MLXIP: variants seen among roughly 807,000 people sequenced by gnomAD.
MLXIP encodes MLX interacting protein, also known as MLX-interacting protein.
In MLXIP, 30 loss-of-function variants were observed where a neutral mutation model predicts 87.2. The ratio of observed to expected loss-of-function variants is 0.34; its 90% CI spans 0.26 to 0.47. The LOEUF is 0.47. Among genes scored for constraint, MLXIP ranks in the 20% least tolerant of loss-of-function variants. MLXIP has a pLI of 1.00. For synonymous variants in MLXIP, 530 were observed against 514.0 expected (o/e 1.03, Z -0.42); for missense variants, 1,002 against 1,240.1 (o/e 0.81, Z 2.88).
At chr12:122,105,734 TG>T (rs1217857506) in intron 1 of MLXIP, among the ~76,000 whole-genome samples, 2 of 151,722 alleles carry the variant, frequency 1.3e-5, no homozygotes, top group African/African-American at 4.8e-5. Context: ...GAGCCGAGAT[TG>T]TGCCACTGCA....
chr12:122,122,993 A>G (rs1422040419), intron 1 of MLXIP, among the ~76,000 whole-genome samples: 1 of 151,750 alleles, frequency 6.6e-6, no homozygotes, highest in Non-Finnish European at 1.5e-5. Flanking sequence ...CACCTGGCCC[A>G]TTGTGGGACT....
chr12:122,128,876 C>G, intron 3 of MLXIP: 2 of 466,634 alleles, frequency 4.3e-6, no homozygotes, highest in Non-Finnish European at 7.7e-6. Context: ...CTCACCCTGT[C>G]CTCCTGGACA....
At position 122,135,380 on chromosome 12, in the gene MLXIP, T is replaced by C. The variant is rs372838904; in HGVS notation, c.1854+35T>C. The C allele has an allele frequency of 1.2e-4, 185 of 1,603,614 alleles. No individual in the cohort carries two copies. The East Asian group carries it at 3.7e-3, about 32-fold the overall frequency. On this transcript the variant is annotated intron_variant, in intron 10 of 16. Coordinates refer to ENST00000319080, the MANE Select transcript of MLXIP (RefSeq NM_014938.6). This position sits in a 1 kb window ranked among gnomAD's most constrained non-coding sequence, Gnocchi z 5.3. ...GCCCTAGGCAGACCTGCAGTGTCCT[T>C]CTCACCCCGGAGCACTCTGATCTTG...
chr12:122,121,095 C>T (rs973699990), intron 1 of MLXIP, among the ~76,000 whole-genome samples: 3 of 146,590 alleles, frequency 2.0e-5, no homozygotes, highest in Non-Finnish European at 3.0e-5. Context: ...CTGCAACCTC[C>T]GCCTCCCAGG....
At chr12:122,103,840 G>GTTTT (rs377424471) in intron 1 of MLXIP, among the ~76,000 whole-genome samples, 1 of 142,834 alleles carries the variant, frequency 7.0e-6, no homozygotes, top group Non-Finnish European at 1.5e-5. Flanking sequence ...AATTTTGTTT[G>GTTTT]TTTTTTTTTT....
chr12:122,127,054 G>A (rs886555471), intron 1 of MLXIP, among the ~76,000 whole-genome samples: 5 of 152,134 alleles, frequency 3.3e-5, no homozygotes, highest in African/African-American at 9.7e-5. Flanking sequence ...CCTGCCCTCC[G>A]CGCCCTGACA....
chr12:122,094,886 C>T (rs1267439531), intron 1 of MLXIP, among the ~76,000 whole-genome samples: 3 of 118,558 alleles, frequency 2.5e-5, no homozygotes, highest in East Asian at 2.8e-4. Flanking sequence ...GTGTGTGGTA[C>T]GTATGGGGAG....
At chr12:122,128,988 C>T (rs567556082) in intron 3 of MLXIP, 149 bp from the exon 4 acceptor site, 4 of 656,386 alleles carry the variant, frequency 6.1e-6, no homozygotes, top group African/African-American at 5.4e-5. Flanking sequence ...AGAAGTGGGA[C>T]GTACTTTCTG....
intron 8 of MLXIP, 154 bp downstream of exon 8, chr12:122,132,537 G>T (rs974417708): frequency 1.6e-6 from 1 of 625,136 alleles, no homozygotes; most frequent in Non-Finnish European, 2.8e-6. Flanking sequence ...GCAGAGGCAC[G>T]ATTCCATCCC....
intron 1 of MLXIP, among the ~76,000 whole-genome samples, chr12:122,124,175 C>T (rs1289496065): frequency 7.3e-6 from 1 of 136,260 alleles, no homozygotes; most frequent in Non-Finnish European, 1.6e-5. Context: ...TCAGCCGTCC[C>T]CCGCCCCAGC....
Position 122,125,630 on chromosome 12 carries a change from G to A in MLXIP, c.414-1626G>A, listed in dbSNP as rs141958284. Among the ~76,000 whole-genome samples, 1,025 of 152,352 alleles carry A rather than the reference G, an allele frequency of 6.7e-3. 6 individuals are homozygous for A. The highest frequency in any genetic ancestry group is 0.02 in the Middle Eastern group (6 of 294). ...GCCTGCTGTACCACCGGTGAGGCCA[G>A]GCCATCAGCATGGAGGTGGGTTAGA... On this transcript the variant is annotated intron_variant, in intron 1 of 16. Transcript: ENST00000319080.
chr12:122,103,796 T>C (rs1202129407), intron 1 of MLXIP, among the ~76,000 whole-genome samples: 1 of 151,556 alleles, frequency 6.6e-6, no homozygotes, highest in Non-Finnish European at 1.5e-5. Context: ...CCCAAAGTGC[T>C]GGGATTACAG....
chr12:122,104,834 C>T (rs1458566461), intron 1 of MLXIP, among the ~76,000 whole-genome samples: 1 of 152,018 alleles, frequency 6.6e-6, no homozygotes, highest in Non-Finnish European at 1.5e-5. Flanking sequence ...CCCACCTCGG[C>T]GTCTCAAAGT....
chr12:122,143,822 C>G lies in MLXIP; in HGVS notation c.*2010C>G, dbSNP rs967179646. 10 of 152,478 alleles carry G rather than the reference C, an allele frequency of 6.6e-5. No homozygotes were observed. The highest frequency in any genetic ancestry group is 5.9e-4 in the Admixed American group (9 of 15,302). The allele number at this position is 152,478 out of a possible 1,614,324, so 9.4% of individuals were successfully genotyped here. A position where few individuals can be genotyped will look rare whatever the true frequency, so the allele number is the denominator to read the frequency against. ...TTGGCCTCCTGCTGCTTCAGCCTACCTCTCCCTCTGCTGACTTAATGTCGT... is the reference window on the plus strand; with the variant it reads ...TTGGCCTCCTGCTGCTTCAGCCTACGTCTCCCTCTGCTGACTTAATGTCGT... On this transcript the variant is annotated 3_prime_UTR_variant, in exon 17 of 17. Coordinates refer to ENST00000319080, the MANE Select transcript of MLXIP (RefSeq NM_014938.6).
Position 122,125,153 on chromosome 12 carries a change from C to T in MLXIP, c.414-2103C>T, listed in dbSNP as rs564701654. 1.1e-4 allele frequency among the ~76,000 whole-genome samples: 16 copies of T among 151,852 alleles called. 2 individuals carry two copies. The South Asian group carries it at 1.5e-3, about 14-fold the overall frequency. On this transcript the variant is annotated intron_variant, in intron 1 of 16. Transcript: ENST00000319080. ...TGCACTCCAGCCTGGGCAACAAGAGCGAAACTCCATCTCCAAAAACAAACA... is the reference window on the plus strand; with the variant it reads ...TGCACTCCAGCCTGGGCAACAAGAGTGAAACTCCATCTCCAAAAACAAACA...
chr12:122,138,067 G>A (rs897385705), intron 12 of MLXIP, 127 bp from the exon 13 acceptor site: 24 of 734,892 alleles, frequency 3.3e-5, no homozygotes, highest in Middle Eastern at 3.9e-4. Flanking sequence ...GCTTCTCGTC[G>A]TGCCCTCCTC....
At chr12:122,081,191 G>T (rs377745425) in intron 1 of MLXIP, among the ~76,000 whole-genome samples, 2 of 151,912 alleles carry the variant, frequency 1.3e-5, no homozygotes, top group African/African-American at 4.8e-5. Flanking sequence ...AGCTTATCTT[G>T]CTCTCTTGGC....
At chr12:122,139,363 G>A (rs980947469) in intron 15 of MLXIP, among the ~76,000 whole-genome samples, 1 of 152,190 alleles carries the variant, frequency 6.6e-6, no homozygotes, top group Admixed American at 6.5e-5. Context: ...GAGTGGTAGA[G>A]CCCAATTTGA....
intron 3 of MLXIP, 130 bp from the exon 4 acceptor site, chr12:122,129,007 G>A: frequency 1.4e-6 from 1 of 699,260 alleles, no homozygotes. Context: ...TGAGTGATGT[G>A]GTAGCCACTG....
Sources: gnomAD v4.1 joint callset for allele counts (sites outside exome capture counted in the v4.1 genomes callset) on GRCh38, gnomAD v4.1.1 for gene constraint, Gnocchi (gnomAD v3.1) non-coding constraint, MANE v1.5 for transcripts, NCBI Gene and HGNC (gene_info 2026-07-23, HGNC 2026-07-21) for gene names.